The following RASA1 variants were observed in gnomAD, a reference collection of about 807,000 sequenced individuals.
The protein encoded by RASA1 is ras GTPase-activating protein 1.
Under a neutral mutation model 132.2 loss-of-function variants are expected in RASA1, and 25 were observed. That is an observed-to-expected ratio of 0.19 (90% CI 0.14 to 0.26). RASA1 has a LOEUF of 0.26. RASA1 is among the 10% of genes least tolerant of loss of function. RASA1 has a pLI of 1.00. For synonymous variants in RASA1, 477 were observed against 449.9 expected (o/e 1.06, Z -0.76); for missense variants, 964 against 1,299.2 (o/e 0.74, Z 3.97).
At chr5:87,282,290 A>G (rs1754352954) in intron 1 of RASA1, among the ~76,000 whole-genome samples, 1 of 152,092 alleles carries the variant, frequency 6.6e-6, no homozygotes, top group Non-Finnish European at 1.5e-5. Context: ...TTGCCTGTAA[A>G]TGTCATTATT....
intron 1 of RASA1, chr5:87,299,547 G>C (rs1211472406): frequency 1.3e-5 from 2 of 151,966 alleles, no homozygotes; most frequent in Admixed American, 1.3e-4. Context: ...TTGTCTATAT[G>C]TAAGGTACAC....
chr5:87,344,342 CAG>C (rs1462399230), intron 6 of RASA1, among the ~76,000 whole-genome samples: 4 of 152,078 alleles, frequency 2.6e-5, no homozygotes, highest in East Asian at 1.9e-4. Context: ...CCCATAAAAA[CAG>C]AAAAAATAAA....
rs1383963224 is a variant in RASA1, at chr5:87,391,546, CAA to C, written c.*665_*666del. The C allele has an allele frequency of 4.2e-6, 1 of 237,318 alleles. No individual in the cohort carries two copies. Among genetic ancestry groups the C allele is most frequent in the Admixed American group, 5.3e-5 (1 of 18,936 alleles). The allele number at this position is 237,318 out of a possible 1,614,324, so 14.7% of individuals were successfully genotyped here. ...ATACGACTTATTTTGTTGAAATTGT[CAA>C]AGACTGTATTTAGATCTCATAATGC... On this transcript the variant is annotated 3_prime_UTR_variant, in exon 25 of 25. Transcript: ENST00000274376.
At position 87,268,699 on chromosome 5, in the gene RASA1, G is replaced by C. The variant is rs755788420; in HGVS notation, c.248G>C (p.Gly83Ala). Reference sequence around the variant, plus strand: ...GGGTCTGTGGCAGGGGCACTGGGGGGAGCTGGACTGACAGGGGGAGGTACT... The same window carrying C: ...GGGTCTGTGGCAGGGGCACTGGGGGCAGCTGGACTGACAGGGGGAGGTACT... The part of the protein sequence containing the change: ...GAGSVAGALG[G>A]AGLTGGGTAA... Residue 83 changes from glycine (G) to alanine (A), a missense_variant, in exon 1 of 25, where the codon GGA (glycine) becomes GCA (alanine). Gly to Ala is a moderately conservative substitution (Grantham distance 60). Transcript: ENST00000274376. 3 of 1,611,944 alleles carry C rather than the reference G, an allele frequency of 1.9e-6. No individual in the cohort carries two copies. The South Asian group carries it at 3.3e-5, about 18-fold the overall frequency.
In RASA1 at chr5:87,333,286, G is replaced by A. The variant is rs753769946; in HGVS notation, c.848G>A (p.Arg283His). 7 of 1,612,710 alleles carry A rather than the reference G, an allele frequency of 4.3e-6. No homozygotes were observed. Among genetic ancestry groups the A allele is most frequent in the Non-Finnish European group, 5.9e-6 (7 of 1,179,360 alleles). Residue 283 changes from arginine to histidine, a missense_variant, in exon 4 of 25, where the codon CGT (arginine) becomes CAT (histidine). By Grantham distance (29) the Arg-to-His change is conservative. Around this residue, in one of 6 missense-constraint regions of RASA1, gnomAD observed 154 missense variants for 286.5 expected, o/e 0.54. Coordinates refer to ENST00000274376, the MANE Select transcript of RASA1 (RefSeq NM_002890.3). ...TTCTAGCCAGTAGAAGATAGAAGGC[G>A]TGTACGAGCTATTCTACCTTACACA... ...APPEPVEDRR[R>H]VRAILPYTKV... is the part of the protein sequence containing the mutation.
intron 2 of RASA1, among the ~76,000 whole-genome samples, chr5:87,332,186 T>A (rs1383612839): frequency 6.6e-6 from 1 of 152,132 alleles, no homozygotes; most frequent in Non-Finnish European, 1.5e-5. Flanking sequence ...ATAAAACTTA[T>A]TAAATTGTTA....
chr5:87,292,279 A>G (rs1754941991), intron 1 of RASA1, among the ~76,000 whole-genome samples: 1 of 151,692 alleles, frequency 6.6e-6, no homozygotes, highest in African/African-American at 2.4e-5. Flanking sequence ...GTTATTGTCT[A>G]GGAGTTTTAT....
rs576301516 is a variant in RASA1, at chr5:87,309,626, T to C, written c.540-21722T>C. On this transcript the variant is annotated intron_variant, in intron 1 of 24. Coordinates refer to ENST00000274376, the MANE Select transcript of RASA1 (RefSeq NM_002890.3). ...ACAGTGATGATCCTTTCTTGTGTTA[T>C]GTGAGCACATGCACATCTTGTATTT... 4.6e-5 allele frequency among the ~76,000 whole-genome samples: 7 copies of C among 152,248 alleles called. No individual in the cohort carries two copies. In the South Asian group the frequency reaches 1.2e-3, roughly 27 times the overall value.
intron 11 of RASA1, among the ~76,000 whole-genome samples, chr5:87,367,828 T>C (rs957727109): frequency 6.6e-6 from 1 of 152,218 alleles, no homozygotes; most frequent in African/African-American, 2.4e-5. Flanking sequence ...AACATTTTCG[T>C]TGTCATTCAA....
At chr5:87,327,330 C>G (rs1580270147) in intron 1 of RASA1, among the ~76,000 whole-genome samples, 1 of 152,234 alleles carries the variant, frequency 6.6e-6, no homozygotes, top group South Asian at 2.1e-4. Context: ...ACTATAAAGC[C>G]TATGTAGTAT....
chr5:87,363,797 C>T (rs970207653), intron 11 of RASA1, among the ~76,000 whole-genome samples: 1 of 152,088 alleles, frequency 6.6e-6, no homozygotes, highest in Non-Finnish European at 1.5e-5. Context: ...CACCTTTCCT[C>T]TGATTTTTTC....
chr5:87,314,375 A>C (rs1429317884), intron 1 of RASA1, among the ~76,000 whole-genome samples: 2 of 152,158 alleles, frequency 1.3e-5, no homozygotes, highest in Admixed American at 1.3e-4. Flanking sequence ...TGGAGATAAT[A>C]TTATAGATGT....
At chr5:87,291,282 C>A (rs1754900523) in intron 1 of RASA1, among the ~76,000 whole-genome samples, 1 of 152,164 alleles carries the variant, frequency 6.6e-6, no homozygotes, top group African/African-American at 2.4e-5. Flanking sequence ...ATAATCCCAG[C>A]ACTTTGGGAG....
chr5:87,356,822 T>G (rs1759687863), intron 9 of RASA1, among the ~76,000 whole-genome samples: 1 of 152,212 alleles, frequency 6.6e-6, no homozygotes, highest in Admixed American at 6.5e-5. Context: ...CTGGCTTTAT[T>G]GTGGTGGTCT....
chr5:87,363,550 T>A, intron 11 of RASA1, 46 bp downstream of exon 11: 1 of 1,582,460 alleles, frequency 6.3e-7, no homozygotes, highest in South Asian at 1.1e-5. Context: ...GTCTTAATAA[T>A]AAAATAGTAC....
chr5:87,269,346 CT>C, intron 1 of RASA1: 1 of 1,513,914 alleles, frequency 6.6e-7, no homozygotes, highest in Admixed American at 2.0e-5. Flanking sequence ...TGTATATTAA[CT>C]TGTGTGTGTT....
At chr5:87,292,022 G>T (rs1478642768) in intron 1 of RASA1, among the ~76,000 whole-genome samples, 1 of 152,076 alleles carries the variant, frequency 6.6e-6, no homozygotes. Context: ...AATCAGGTTT[G>T]TTTTCTTATT....
rs557455567 is a variant in RASA1, at chr5:87,331,574, A to C, written c.692+74A>C. ...ATAATATTCATAAATATACCTGTAT[A>C]ATAAAGGTGAATGACTCAGTAACAA... is the stretch of plus-strand genomic sequence containing the variant. On this transcript the variant is annotated intron_variant, in intron 2 of 24. Coordinates refer to ENST00000274376, the MANE Select transcript of RASA1 (RefSeq NM_002890.3). 45 of 1,472,952 alleles carry C rather than the reference A, an allele frequency of 3.1e-5. No individual in the cohort carries two copies. The South Asian group carries it at 4.6e-4, about 15-fold the overall frequency. The allele number at this position is 1,472,952 out of a possible 1,614,324, so 91.2% of individuals were successfully genotyped here. A position where few individuals can be genotyped will look rare whatever the true frequency, so the allele number is the denominator to read the frequency against.
intron 1 of RASA1, among the ~76,000 whole-genome samples, chr5:87,273,700 C>CTTT (rs539277152): frequency 7.2e-6 from 1 of 138,390 alleles, no homozygotes; most frequent in Non-Finnish European, 1.6e-5. Context: ...TTTTCTTTTT[C>CTTT]TTTTTTTTTT....
Sources: allele counts gnomAD v4.1 joint callset (sites outside exome capture counted in the v4.1 genomes callset), GRCh38; gene constraint gnomAD v4.1.1; regional missense constraint gnomAD v4.1.1; transcripts MANE v1.5; gene names NCBI Gene and HGNC (gene_info 2026-07-23, HGNC 2026-07-21).